The following THOC5 variants were observed in gnomAD, a reference collection of about 807,000 sequenced individuals.
THOC5 encodes Fms-interacting protein.
THOC5 carries 43 observed loss-of-function variants against 92.9 expected under a neutral mutation model. That is an observed-to-expected ratio of 0.46 (90% CI 0.36 to 0.60). The LOEUF (loss-of-function observed/expected upper bound fraction) is 0.60. Among genes scored for constraint, THOC5 ranks in the 20% least tolerant of loss-of-function variants. The probability of loss-of-function intolerance (pLI) is 0.00; values close to 1 mark genes in which losing one functional copy is unlikely to be tolerated. For synonymous variants in THOC5, 296 were observed against 320.1 expected, an observed-to-expected ratio of 0.92 and a Z score of 0.80; for missense variants, 659 against 849.4, an observed-to-expected ratio of 0.78 and a Z score of 2.79.
chr22:29,526,251 G>A (rs1016562096), intron 11 of THOC5, among the ~76,000 whole-genome samples: 3 of 151,940 alleles, frequency 2.0e-5, no homozygotes, highest in African/African-American at 4.8e-5. Context: ...AAACAAAATC[G>A]GCCAGGCGCG....
intron 5 of THOC5, 78 bp from the exon 6 acceptor site, chr22:29,539,554 C>T (rs2063835953): frequency 1.4e-6 from 2 of 1,474,130 alleles, no homozygotes; most frequent in East Asian, 4.6e-5. Flanking sequence ...AAGTTATCCC[C>T]AACATATGCC....
At chr22:29,535,368 G>A (rs2146521079) in intron 7 of THOC5, 1 of 147,236 alleles carries the variant, frequency 6.8e-6, no homozygotes, top group Admixed American at 6.8e-5. Flanking sequence ...TAAAACAAAA[G>A]CTCCCAGTTC....
At chr22:29,531,536 G>T in intron 8 of THOC5, 2 of 1,138,936 alleles carry the variant, frequency 1.8e-6, no homozygotes, top group Non-Finnish European at 2.2e-6. Context: ...CCTTGATGGG[G>T]TGAGCACCTG....
At position 29,518,116 on chromosome 22, in the gene THOC5, T is replaced by C. The variant is rs57995671; in HGVS notation, c.1490-750A>G. ...TGATGCGATCTCAGCTCACTGCAAC[T>C]TCCGCCTCTCAGGTTCAAGCAATTC... On this transcript the variant is annotated intron_variant, in intron 15 of 19. Coordinates refer to ENST00000490103, the MANE Select transcript of THOC5 (RefSeq NM_003678.5). Among the ~76,000 whole-genome samples the C allele has an allele frequency of 0.024, 3,669 of 152,278 alleles. 365 individuals are homozygous for C. The East Asian group carries it at 0.35, about 15-fold the overall frequency.
chr22:29,533,686 C>A (rs2063699355), intron 7 of THOC5, among the ~76,000 whole-genome samples: 1 of 152,128 alleles, frequency 6.6e-6, no homozygotes, highest in South Asian at 2.1e-4. Flanking sequence ...AGAAAACAGG[C>A]AAAAGACTTG....
In THOC5 at chr22:29,520,060, T is replaced by C; in HGVS notation, c.1322A>G (p.Tyr441Cys). The C allele has an allele frequency of 6.2e-7, 1 of 1,613,752 alleles. No individual in the cohort carries two copies. Among genetic ancestry groups the C allele is most frequent in the African/African-American group, 1.3e-5 (1 of 74,952 alleles). ...GCCACCCAGCTTCTGCACCCACAAATAGGGGTGACCTAGCTCAAGTACATA... is the reference window on the plus strand; with the variant it reads ...GCCACCCAGCTTCTGCACCCACAAACAGGGGTGACCTAGCTCAAGTACATA... ...SDYVLELGHP[Y>C]LWVQKLGGLH... Residue 441 changes from tyrosine (Y) to cysteine (C), a missense_variant, in exon 14 of 20, where the codon TAT becomes TGT. Tyr to Cys is a radical substitution (Grantham distance 194). Transcript: ENST00000490103.
At chr22:29,511,518 T>C (rs1293715854) in intron 18 of THOC5, 2 of 541,972 alleles carry the variant, frequency 3.7e-6, no homozygotes, top group Non-Finnish European at 6.5e-6. Flanking sequence ...CTGCCTCATA[T>C]GCCCACAGCC....
intron 7 of THOC5, 162 bp downstream of exon 7, chr22:29,536,462 G>A (rs1264444320): frequency 1.2e-5 from 7 of 593,430 alleles, no homozygotes; most frequent in Non-Finnish European, 1.8e-5. Context: ...CTTCCTCCCA[G>A]ACACAAGCTT....
chr22:29,535,439 C>T (rs1024732907), intron 7 of THOC5: 12 of 151,918 alleles, frequency 7.9e-5, no homozygotes, highest in African/African-American at 2.2e-4. Context: ...AAGCATATAC[C>T]GCATATACCC....
In THOC5 at chr22:29,541,891, AAAATATATATATAT is replaced by A. The variant is rs1462958592; in HGVS notation, c.452+954_452+967del. On this transcript the variant is annotated intron_variant, in intron 5 of 19. Coordinates refer to ENST00000490103, the MANE Select transcript of THOC5 (RefSeq NM_003678.5). ...AAAAAAAAAAAAAAAAAAAAAAAAA[AAAATATATATATAT>A]ATATATATATATATATATCCTGGAC... Among the ~76,000 whole-genome samples the A allele has an allele frequency of 1.1e-4, 7 of 63,334 alleles. 1 individual carries two copies. The East Asian group carries it at 1.1e-3, about 10-fold the overall frequency. 41.5% of individuals were successfully genotyped at this position (63,334 alleles called of 152,430 possible). A position where few individuals can be genotyped will look rare whatever the true frequency, so the allele number is the denominator to read the frequency against.
At chr22:29,508,783 C>T (rs1234042741) in intron 19 of THOC5, among the ~76,000 whole-genome samples, 3 of 152,052 alleles carry the variant, frequency 2.0e-5, no homozygotes, top group Admixed American at 2.0e-4. Flanking sequence ...TAGGCACCCT[C>T]ACTTTTTAGG....
At chr22:29,546,650 G>T (rs1342594277) in intron 2 of THOC5, among the ~76,000 whole-genome samples, 1 of 151,976 alleles carries the variant, frequency 6.6e-6, no homozygotes, top group Non-Finnish European at 1.5e-5. Context: ...ATGTTGCCCA[G>T]GCTGGTCTCG....
Position 29,553,723 on chromosome 22 carries a change from C to T in THOC5, c.-64G>A, listed in dbSNP as rs2064234663. The T allele has an allele frequency of 6.6e-6, 1 of 152,432 alleles. No individual in the cohort carries two copies. Among genetic ancestry groups the T allele is most frequent in the African/African-American group, 2.4e-5 (1 of 41,448 alleles). The allele number at this position is 152,432 out of a possible 1,614,324, so 9.4% of individuals were successfully genotyped here. A position where few individuals can be genotyped will look rare whatever the true frequency, so the allele number is the denominator to read the frequency against. Reference sequence around the variant, plus strand: ...GAGTAAGCCACTGCCGGAGGCGGAGCAAAGCTTGCCCGCGCACCATAGAGA... The same window carrying T: ...GAGTAAGCCACTGCCGGAGGCGGAGTAAAGCTTGCCCGCGCACCATAGAGA... On this transcript the variant is annotated 5_prime_UTR_variant, in exon 1 of 20. Transcript: ENST00000490103.
chr22:29,542,931 T>C lies in THOC5; in HGVS notation c.380A>G (p.His127Arg). ...ATACAACAGGTTCTGGAGCTGCAGATGATAGGCATCTACTTTCTGCTTAGC... is the reference window on the plus strand; with the variant it reads ...ATACAACAGGTTCTGGAGCTGCAGACGATAGGCATCTACTTTCTGCTTAGC... ...HEAKQKVDAY[H>R]LQLQNLLYEV... The change falls in exon 5 of 20, where the codon CAT becomes CGT. Residue 127 changes from histidine to arginine, a missense_variant. By Grantham distance (29) the His-to-Arg change is conservative. Coordinates refer to ENST00000490103, the MANE Select transcript of THOC5 (RefSeq NM_003678.5). 6.2e-7 allele frequency: 1 copy of C among 1,612,866 alleles called. No homozygotes were observed. Among genetic ancestry groups the C allele is most frequent in the Non-Finnish European group, 8.5e-7 (1 of 1,179,428 alleles).
Position 29,520,000 on chromosome 22 carries a change from G to A in THOC5, c.1374+8C>T, listed in dbSNP as rs756141367. On this transcript the variant is annotated splice_region_variant and intron_variant, in intron 14 of 19. Coordinates refer to ENST00000490103, the MANE Select transcript of THOC5 (RefSeq NM_003678.5). ...CCTCAGCCAACTAGATGAGATCAGT[G>A]TACAGACCTGGGGCTGCTCTTTGGG... is the stretch of plus-strand genomic sequence containing the variant. 6.2e-6 allele frequency: 10 copies of A among 1,612,120 alleles called. No homozygotes were observed. The highest frequency in any genetic ancestry group is 2.2e-5 in the South Asian group (2 of 90,936).
Position 29,551,616 on chromosome 22 carries a change from G to A in THOC5, c.-12+2055C>T, listed in dbSNP as rs534593294. Among the ~76,000 whole-genome samples, 16 of 152,114 alleles carry A rather than the reference G, an allele frequency of 1.1e-4. No homozygotes were observed. In the East Asian group the frequency reaches 1.4e-3, roughly 13 times the overall value. On this transcript the variant is annotated intron_variant, in intron 1 of 19. Coordinates refer to ENST00000490103, the MANE Select transcript of THOC5 (RefSeq NM_003678.5). Reference sequence around the variant, plus strand: ...CATTTTAAAATTAGCCTAGTATGGCGGTGCACACCTGTGGTCCCAAGCTAC... The same window carrying A: ...CATTTTAAAATTAGCCTAGTATGGCAGTGCACACCTGTGGTCCCAAGCTAC...
chr22:29,552,130 C>G (rs1235813424), intron 1 of THOC5, among the ~76,000 whole-genome samples: 1 of 152,112 alleles, frequency 6.6e-6, no homozygotes, highest in African/African-American at 2.4e-5. Flanking sequence ...GATCTCGGCT[C>G]GCTACAACCT....
chr22:29,510,179 T>C (rs1360551553), intron 19 of THOC5, among the ~76,000 whole-genome samples: 1 of 152,026 alleles, frequency 6.6e-6, no homozygotes, highest in East Asian at 1.9e-4. Flanking sequence ...GCCCAGACAC[T>C]CTTGAGTACC....
intron 5 of THOC5, 85 bp from the exon 6 acceptor site, chr22:29,539,561 T>C: frequency 6.9e-7 from 1 of 1,446,014 alleles, no homozygotes; most frequent in Non-Finnish European, 9.5e-7. Flanking sequence ...CCCCAACATA[T>C]GCCTGCTTAG....
Sources: allele counts gnomAD v4.1 joint callset (sites outside exome capture counted in the v4.1 genomes callset), GRCh38; gene constraint gnomAD v4.1.1; transcripts MANE v1.5; gene names NCBI Gene and HGNC (gene_info 2026-07-23, HGNC 2026-07-21).